APMAP: variants seen among roughly 807,000 people sequenced by gnomAD.
APMAP encodes adipocyte plasma membrane-associated protein.
APMAP carries 33 observed loss-of-function variants against 43.6 expected under a neutral mutation model. The ratio of observed to expected loss-of-function variants is 0.76; its 90% CI spans 0.57 to 1.01. The LOEUF (loss-of-function observed/expected upper bound fraction) is 1.01. Among genes scored for constraint, APMAP ranks in the 50% least tolerant of loss-of-function variants. The pLI, the probability that APMAP is intolerant of heterozygous loss-of-function variation, is 0.00. For missense variants in APMAP, 498 were observed against 540.7 expected (o/e 0.92, Z 0.78); for synonymous variants, 224 against 216.7 (o/e 1.03, Z -0.30).
intron 1 of APMAP, among the ~76,000 whole-genome samples, chr20:24,991,641 C>G (rs1454426210): frequency 6.6e-6 from 1 of 152,178 alleles, no homozygotes; most frequent in East Asian, 1.9e-4. Flanking sequence ...CACCTCTTGG[C>G]ACACTACTGA....
chr20:24,992,409 C>G (rs2088201881), intron 1 of APMAP, among the ~76,000 whole-genome samples, 185 bp downstream of exon 1: 1 of 152,216 alleles, frequency 6.6e-6, no homozygotes, highest in African/African-American at 2.4e-5. Context: ...GCAGGTACAT[C>G]CGCCTTGTCG....
intron 2 of APMAP, among the ~76,000 whole-genome samples, chr20:24,982,821 A>G (rs1214217385): frequency 6.7e-6 from 1 of 150,234 alleles, no homozygotes; most frequent in Non-Finnish European, 1.5e-5. Context: ...CTCCCTCAAC[A>G]CATCAGGGGA....
Position 24,978,769 on chromosome 20 carries a change from C to T in APMAP, c.326G>A (p.Gly109Glu), listed in dbSNP as rs1232993580. 1 of 1,584,882 alleles carries T rather than the reference C, an allele frequency of 6.3e-7. No homozygotes were observed. Among genetic ancestry groups the T allele is most frequent in the Admixed American group, 1.7e-5 (1 of 59,286 alleles). The change falls in exon 3 of 9, where the codon GGG becomes GAG. Residue 109 changes from glycine to glutamate, a missense_variant and splice_region_variant. By Grantham distance (98) the Gly-to-Glu change is moderately conservative. Coordinates refer to ENST00000217456, the MANE Select transcript of APMAP (RefSeq NM_020531.3). Reference protein sequence around the residue: ...LVGPESIAHIGDVMFTGTADG... With the variant: ...LVGPESIAHIEDVMFTGTADG... ...CCCCCACCCAAGCTTAGACTTACCCCCAATATGTGCTATGGACTCCGGTCC... is the reference window on the plus strand; with the variant it reads ...CCCCCACCCAAGCTTAGACTTACCCTCAATATGTGCTATGGACTCCGGTCC...
intron 8 of APMAP, among the ~76,000 whole-genome samples, chr20:24,965,733 T>A (rs1006762213): frequency 2.6e-5 from 4 of 152,220 alleles, no homozygotes; most frequent in African/African-American, 9.6e-5. Context: ...CATGGGGTGC[T>A]ACAGCCCTGG....
intron 4 of APMAP, 74 bp from the exon 5 acceptor site, chr20:24,971,650 C>T: frequency 8.4e-7 from 1 of 1,185,750 alleles, no homozygotes; most frequent in Non-Finnish European, 1.3e-6. Context: ...ATCCAAGCAT[C>T]TCATCCATCC....
intron 1 of APMAP, among the ~76,000 whole-genome samples, chr20:24,989,206 C>T (rs2088172029): frequency 6.6e-6 from 1 of 152,148 alleles, no homozygotes; most frequent in African/African-American, 2.4e-5. Context: ...CATCCAGGAA[C>T]GCTGGCAACT....
chr20:24,985,949 C>T (rs1307183246), intron 1 of APMAP, among the ~76,000 whole-genome samples: 1 of 152,162 alleles, frequency 6.6e-6, no homozygotes, highest in African/African-American at 2.4e-5. Flanking sequence ...AAAGTGGATC[C>T]TGTAACACAG....
Position 24,963,504 on chromosome 20 carries a change from G to T in APMAP, c.*309C>A. The T allele has an allele frequency of 2.7e-6, 1 of 370,928 alleles. No individual in the cohort carries two copies. The highest frequency in any genetic ancestry group is 4.3e-5 in the Admixed American group (1 of 23,212). The allele number at this position is 370,928 out of a possible 1,614,324, so 23.0% of individuals were successfully genotyped here. The stretch of plus-strand genomic sequence containing the variant: ...CACCTGAGCCCTGTTCCAAGTGCAA[G>T]GAGCTTCCCAAATCCTAGAGAATGA... On this transcript the variant is annotated 3_prime_UTR_variant, in exon 9 of 9. Transcript: ENST00000217456.
At chr20:24,974,745 A>C (rs1454982481) in intron 3 of APMAP, among the ~76,000 whole-genome samples, 2 of 152,228 alleles carry the variant, frequency 1.3e-5, no homozygotes, top group African/African-American at 4.8e-5. Context: ...GTTATCAGGG[A>C]TAAAGAGGAG....
rs1273133752 is a variant in APMAP at position 24,963,762 on chromosome 20, C to T, written c.*51G>A. 2.5e-6 allele frequency: 4 copies of T among 1,571,492 alleles called. No individual in the cohort carries two copies. Among genetic ancestry groups the T allele is most frequent in the Non-Finnish European group, 3.5e-6 (4 of 1,144,776 alleles). On this transcript the variant is annotated 3_prime_UTR_variant, in exon 9 of 9. Coordinates refer to ENST00000217456, the MANE Select transcript of APMAP (RefSeq NM_020531.3). The stretch of plus-strand genomic sequence containing the variant: ...GCTCCTCCTGGACCAGGCCTGGTGC[C>T]TGAGTGTGAAGACTCCTGGCCTGCG...
At chr20:24,980,195 G>C (rs2088089966) in intron 2 of APMAP, among the ~76,000 whole-genome samples, 1 of 152,242 alleles carries the variant, frequency 6.6e-6, no homozygotes, top group African/African-American at 2.4e-5. Flanking sequence ...AACGAGCACT[G>C]CTGGAGGAAA....
chr20:24,987,963 C>T (rs1261891673), intron 1 of APMAP, among the ~76,000 whole-genome samples: 2 of 152,096 alleles, frequency 1.3e-5, no homozygotes, highest in South Asian at 2.1e-4. Flanking sequence ...ATGACAGAAA[C>T]GCTTCTGACA....
intron 8 of APMAP, among the ~76,000 whole-genome samples, chr20:24,964,860 A>T (rs1049785815): frequency 5.9e-5 from 9 of 152,126 alleles, no homozygotes; most frequent in African/African-American, 2.2e-4. Flanking sequence ...TCAAGCAGAC[A>T]GACAAGCTGA....
chr20:24,972,128 CATTGCAGGTGCTT>C (rs1251931408), intron 4 of APMAP, among the ~76,000 whole-genome samples: 65 of 148,108 alleles, frequency 4.4e-4, no homozygotes, highest in African/African-American at 1.6e-3. Context: ...GTGGGGTGCT[CATTGCAGGTGCTT>C]ATTGCAAGGT....
chr20:24,990,046 T>C (rs2088179188), intron 1 of APMAP, among the ~76,000 whole-genome samples: 1 of 152,252 alleles, frequency 6.6e-6, no homozygotes, highest in Non-Finnish European at 1.5e-5. Flanking sequence ...CATTAAACAG[T>C]TCTCTTCCTA....
intron 1 of APMAP, among the ~76,000 whole-genome samples, chr20:24,988,881 G>A (rs537689659): frequency 6.6e-5 from 10 of 152,314 alleles, no homozygotes; most frequent in African/African-American, 2.4e-4. Flanking sequence ...TGCAACGATG[G>A]AAATACAATA....
At chr20:24,989,697 G>A (rs562516943) in intron 1 of APMAP, among the ~76,000 whole-genome samples, 1 of 152,008 alleles carries the variant, frequency 6.6e-6, no homozygotes, top group South Asian at 2.1e-4. Context: ...TTTAAACTGG[G>A]GCTCCTAGAT....
intron 2 of APMAP, among the ~76,000 whole-genome samples, chr20:24,981,866 G>A (rs1441736222): frequency 6.6e-6 from 1 of 152,176 alleles, no homozygotes; most frequent in Non-Finnish European, 1.5e-5. Context: ...CTTCTGGAGA[G>A]AAACCATGTC....
At chr20:24,966,122 A>T (rs1036259198) in intron 8 of APMAP, among the ~76,000 whole-genome samples, 1 of 152,172 alleles carries the variant, frequency 6.6e-6, no homozygotes, top group Non-Finnish European at 1.5e-5. Flanking sequence ...TCCTGGGAGA[A>T]ATGGCCGATT....
Sources: allele counts gnomAD v4.1 joint callset (sites outside exome capture counted in the v4.1 genomes callset), GRCh38; gene constraint gnomAD v4.1.1; transcripts MANE v1.5; gene names NCBI Gene and HGNC (gene_info 2026-07-23, HGNC 2026-07-21).